The following MAPKAP1 variants were observed in gnomAD, a reference collection of about 807,000 sequenced individuals.
The protein encoded by MAPKAP1 is target of rapamycin complex 2 subunit MAPKAP1.
Under a neutral mutation model 65.7 loss-of-function variants are expected in MAPKAP1, and 20 were observed. The ratio of observed to expected loss-of-function variants is 0.30; its 90% CI spans 0.21 to 0.44. MAPKAP1 has a LOEUF of 0.44. Among genes scored for constraint, MAPKAP1 ranks in the 20% least tolerant of loss-of-function variants. The pLI, the probability that MAPKAP1 is intolerant of heterozygous loss-of-function variation, is 1.00. For missense variants in MAPKAP1, 423 were observed against 648.0 expected (o/e 0.65, Z 3.77); for synonymous variants, 222 against 244.3 (o/e 0.91, Z 0.85).
intron 8 of MAPKAP1, among the ~76,000 whole-genome samples, chr9:125,498,714 A>G (rs1489552686): frequency 6.6e-6 from 1 of 152,204 alleles, no homozygotes; most frequent in Non-Finnish European, 1.5e-5. Flanking sequence ...AAATGGTTTT[A>G]TTTATAAAGC....
rs577694809 is a variant in MAPKAP1, at chr9:125,667,176, AAATT to A, written c.349+2638_349+2641del. Among the ~76,000 whole-genome samples, 18 of 152,384 alleles carry A rather than the reference AAATT, an allele frequency of 1.2e-4. No homozygotes were observed. The East Asian group carries it at 2.7e-3, about 23-fold the overall frequency. ...GCATATTCTGTGAAACAATGAACAA[AAATT>A]AAAGTAGATTAGACTTTAAAAAATA... On this transcript the variant is annotated intron_variant, in intron 3 of 11. Transcript: ENST00000265960.
rs1038583429 is a variant in MAPKAP1 at position 125,438,727 on chromosome 9, G to T, written c.*160C>A. On this transcript the variant is annotated 3_prime_UTR_variant, in exon 12 of 12. Coordinates refer to ENST00000265960, the MANE Select transcript of MAPKAP1 (RefSeq NM_001006617.3). ...CAATGTCCCCAGCGCTCCCTCCTAG[G>T]GGGCCCCCGACACCTTCCCCGAGAG... is the stretch of plus-strand genomic sequence containing the variant. 3.2e-6 allele frequency: 3 copies of T among 947,208 alleles called. No homozygotes were observed. The African/African-American group carries it at 4.9e-5, about 16-fold the overall frequency. 58.7% of individuals were successfully genotyped at this position (947,208 alleles called of 1,614,324 possible). A position where few individuals can be genotyped will look rare whatever the true frequency, so the allele number is the denominator to read the frequency against.
At position 125,438,877 on chromosome 9, in the gene MAPKAP1, G is replaced by A. The variant is rs1458922756; in HGVS notation, c.*10C>T. The A allele has an allele frequency of 1.9e-6, 3 of 1,614,152 alleles. No homozygotes were observed. The highest frequency in any genetic ancestry group is 1.7e-6 in the Non-Finnish European group (2 of 1,180,000). ...TGAGCTACGGAACAGATTGAGGCTG[G>A]AGGCCAGTGTCACTGCTGCCCGGAT... On this transcript the variant is annotated 3_prime_UTR_variant, in exon 12 of 12. Transcript: ENST00000265960.
intron 8 of MAPKAP1, among the ~76,000 whole-genome samples, chr9:125,505,095 C>G (rs565799212): frequency 6.6e-6 from 1 of 152,162 alleles, no homozygotes; most frequent in Non-Finnish European, 1.5e-5. Flanking sequence ...CATCTATAAT[C>G]CCAACATTTT....
At chr9:125,458,820 G>C (rs569496320) in intron 10 of MAPKAP1, among the ~76,000 whole-genome samples, 6 of 133,372 alleles carry the variant, frequency 4.5e-5, no homozygotes, top group Non-Finnish European at 8.0e-5. Flanking sequence ...TCACCTCCCG[G>C]ACGGGGCGGC....
At chr9:125,483,058 GTGAGCCCTC>G (rs1854374906) in intron 9 of MAPKAP1, among the ~76,000 whole-genome samples, 2 of 152,174 alleles carry the variant, frequency 1.3e-5, no homozygotes, top group Non-Finnish European at 2.9e-5. Flanking sequence ...CGACTCCTGA[GTGAGCCCTC>G]TGAGCACCAC....
At chr9:125,500,926 G>A (rs978787063) in intron 8 of MAPKAP1, among the ~76,000 whole-genome samples, 2 of 152,108 alleles carry the variant, frequency 1.3e-5, no homozygotes, top group Non-Finnish European at 2.9e-5. Context: ...GGCGGAGGGA[G>A]GGATTGTTCA....
intron 10 of MAPKAP1, among the ~76,000 whole-genome samples, chr9:125,446,584 A>AACAC (rs1331903974): frequency 2.6e-5 from 4 of 152,156 alleles, no homozygotes; most frequent in Non-Finnish European, 5.9e-5. Flanking sequence ...TGCTGTGAAC[A>AACAC]AGCACAGCCA....
In MAPKAP1 at chr9:125,672,434, A is replaced by G. The variant is rs1440880447; in HGVS notation, c.141T>C (p.Pro47=). 1 of 1,614,032 alleles carries G rather than the reference A, an allele frequency of 6.2e-7. No homozygotes were observed. Among genetic ancestry groups the G allele is most frequent in the African/African-American group, 1.3e-5 (1 of 74,916 alleles). Residue 47 remains proline (P), a synonymous_variant, in exon 2 of 12, where the codon CCT becomes CCC. Coordinates refer to ENST00000265960, the MANE Select transcript of MAPKAP1 (RefSeq NM_001006617.3). ...CCTGAATTTCTGACCCACTGTCTCCAGGCATTGAAGGAGGATGAATCTTCT... is the reference window on the plus strand; with the variant it reads ...CCTGAATTTCTGACCCACTGTCTCCGGGCATTGAAGGAGGATGAATCTTCT... ...DLEKIHPPSM[P]GDSGSEIQGS...
chr9:125,571,901 C>T (rs973196294), intron 5 of MAPKAP1, among the ~76,000 whole-genome samples: 1 of 152,138 alleles, frequency 6.6e-6, no homozygotes, highest in East Asian at 1.9e-4. Flanking sequence ...TCCTGCTGAT[C>T]CTTTGTTTTT....
chr9:125,686,635 T>C (rs1834987769), intron 1 of MAPKAP1, among the ~76,000 whole-genome samples: 1 of 152,188 alleles, frequency 6.6e-6, no homozygotes, highest in Admixed American at 6.5e-5. Context: ...CACATTGTTT[T>C]CCCTCGACCA....
Position 125,569,779 on chromosome 9 carries a change from C to A in MAPKAP1, c.672-9970G>T, listed in dbSNP as rs569099428. On this transcript the variant is annotated intron_variant, in intron 5 of 11. Transcript: ENST00000265960. ...AAAATCTTACAACTACTGTAGTAAT[C>A]TTCTTCTGTCTTTCTGTGTAGCTAC... 9.2e-5 allele frequency among the ~76,000 whole-genome samples: 14 copies of A among 152,264 alleles called. No individual in the cohort carries two copies. The South Asian group carries it at 1.0e-3, about 11-fold the overall frequency.
intron 4 of MAPKAP1, among the ~76,000 whole-genome samples, chr9:125,652,855 T>G (rs1833931145): frequency 6.6e-6 from 1 of 152,180 alleles, no homozygotes; most frequent in South Asian, 2.1e-4. Context: ...AACTTCAACA[T>G]GCAGACCGTT....
intron 7 of MAPKAP1, among the ~76,000 whole-genome samples, chr9:125,517,175 A>G (rs1288657229): frequency 6.6e-6 from 1 of 152,174 alleles, no homozygotes; most frequent in Non-Finnish European, 1.5e-5. Context: ...CCCATAAAGA[A>G]CAGTATAGGT....
chr9:125,667,961 C>G (rs1588055522), intron 3 of MAPKAP1, among the ~76,000 whole-genome samples: 2 of 152,122 alleles, frequency 1.3e-5, no homozygotes, highest in African/African-American at 4.8e-5. Flanking sequence ...AAGGGGCTAG[C>G]CTCGTGAGAT....
intron 1 of MAPKAP1, among the ~76,000 whole-genome samples, chr9:125,693,675 G>C (rs561103870): frequency 9.0e-6 from 1 of 111,210 alleles, no homozygotes; most frequent in Non-Finnish European, 1.9e-5. Context: ...ACATATACAC[G>C]TATATATACA....
intron 5 of MAPKAP1, among the ~76,000 whole-genome samples, chr9:125,583,789 T>A (rs1175185379): frequency 6.6e-6 from 1 of 152,150 alleles, no homozygotes; most frequent in Non-Finnish European, 1.5e-5. Context: ...AAAGGCTGGG[T>A]GCAGTGGCTC....
chr9:125,693,688 TATATATACAC>T (rs1835270504), intron 1 of MAPKAP1, among the ~76,000 whole-genome samples: 2 of 132,186 alleles, frequency 1.5e-5, no homozygotes, highest in Admixed American at 8.0e-5. Context: ...TATATACACG[TATATATACAC>T]GTATATATAC....
chr9:125,602,601 G>C (rs1832330698), intron 4 of MAPKAP1, among the ~76,000 whole-genome samples: 1 of 152,068 alleles, frequency 6.6e-6, no homozygotes, highest in Non-Finnish European at 1.5e-5. Context: ...GGGAGACGGG[G>C]CCAGGCACAG....
Sources: allele counts gnomAD v4.1 joint callset (sites outside exome capture counted in the v4.1 genomes callset), GRCh38; gene constraint gnomAD v4.1.1; transcripts MANE v1.5; gene names NCBI Gene and HGNC (gene_info 2026-07-23, HGNC 2026-07-21).